The following MAGEB5 variants were observed in gnomAD, a reference collection of about 807,000 sequenced individuals.
MAGEB5 encodes MAGE family member B5.
For synonymous variants in MAGEB5, 70 were observed against 75.0 expected (o/e 0.93, Z 0.34); for missense variants, 189 against 197.1 (o/e 0.96, Z 0.25).
At position 26,217,337 on chromosome X, in the gene MAGEB5, C is replaced by T. The variant is rs765804904; in HGVS notation, c.36C>T (p.Asp12=). ...TSAGVFNAGS[D]ERANSRDEEY... ...CAGGTGTTTTTAATGCAGGATCTGA[C>T]GAAAGGGCTAACAGTAGAGATGAGG... is the stretch of plus-strand genomic sequence containing the variant. Residue 12 remains aspartate, a synonymous_variant, in exon 2 of 2, where the codon GAC becomes GAT. Transcript: ENST00000602297. The T allele has an allele frequency of 2.0e-4, 236 of 1,155,757 alleles. 1 individual carries two copies. The African/African-American group carries it at 2.8e-3, about 14-fold the overall frequency.
In MAGEB5 at chrX:26,218,076, A is replaced by C. The variant is rs754254401; in HGVS notation, c.775A>C (p.Ser259Arg). The C allele has an allele frequency of 2.6e-6, 3 of 1,166,018 alleles. No homozygotes were observed. The East Asian group carries it at 9.8e-5, about 38-fold the overall frequency. ...ATGCAGCCGAAACTGGCACTACTGC[A>C]GTGGCCAAGACTGTCTCAGGGCGAA... Reference protein sequence around the residue: ...QRCSRNWHYCSGQDCLRAKFS... With the variant: ...QRCSRNWHYCRGQDCLRAKFS... Residue 259 changes from serine to arginine, a missense_variant, in exon 2 of 2, where the codon AGT becomes CGT. By Grantham distance (110) the Ser-to-Arg change is moderately radical. Coordinates refer to ENST00000602297, the MANE Select transcript of MAGEB5 (RefSeq NM_001271752.1).
In MAGEB5 at chrX:26,218,133, C is replaced by A. The variant is rs981026007; in HGVS notation, c.*4C>A. 3.0e-5 allele frequency: 33 copies of A among 1,094,202 alleles called. No homozygotes were observed. Among genetic ancestry groups the A allele is most frequent in the Non-Finnish European group, 4.0e-5 (33 of 834,674 alleles). 90.2% of individuals were successfully genotyped at this position (1,094,202 alleles called of 1,213,427 possible). A position where few individuals can be genotyped will look rare whatever the true frequency, so the allele number is the denominator to read the frequency against. ...CAGCTTCTCTCAACCCTATTGAAGT[C>A]TGAAGCTTTTTTCATCCAGTCAAGC... On this transcript the variant is annotated 3_prime_UTR_variant, in exon 2 of 2. Transcript: ENST00000602297.
In MAGEB5 at chrX:26,218,095, G is replaced by A; in HGVS notation, c.794G>A (p.Arg265Lys). 1.7e-6 allele frequency: 2 copies of A among 1,160,090 alleles called. No individual in the cohort carries two copies. The highest frequency in any genetic ancestry group is 1.9e-5 in the South Asian group (1 of 51,676). The change falls in exon 2 of 2, where the codon AGG becomes AAG. Residue 265 changes from arginine to lysine, a missense_variant. Transcript: ENST00000602297. ...WHYCSGQDCL[R>K]AKFSSFSQPY ...TACTGCAGTGGCCAAGACTGTCTCA[G>A]GGCGAAGTTCAGCAGCTTCTCTCAA...
In MAGEB5 at chrX:26,217,920, A is replaced by T; in HGVS notation, c.619A>T (p.Arg207Ter). Residue 207 changes from arginine (R) to a stop codon, truncating the protein, a stop_gained, in exon 2 of 2, where the codon AGA (arginine) becomes TGA (stop). Coordinates refer to ENST00000602297, the MANE Select transcript of MAGEB5 (RefSeq NM_001271752.1). LOFTEE classifies it low-confidence loss of function (END_TRUNC). Reference sequence around the variant, plus strand: ...ACACTATCAATTCCTTTGGGGTCCAAGAGCCTATACTGAAACCAGCAAGAT... The same window carrying T: ...ACACTATCAATTCCTTTGGGGTCCATGAGCCTATACTGAAACCAGCAAGAT... ...PAHYQFLWGP[R>*]AYTETSKMKV... is the part of the protein sequence containing the mutation. The T allele has an allele frequency of 8.3e-7, 1 of 1,208,147 alleles. No homozygotes were observed. Among genetic ancestry groups the T allele is most frequent in the South Asian group, 1.8e-5 (1 of 56,262 alleles).
In MAGEB5 at chrX:26,217,536, G is replaced by T. The variant is rs772484567; in HGVS notation, c.235G>T (p.Ala79Ser). 1 of 1,165,186 alleles carries T rather than the reference G, an allele frequency of 8.6e-7. No homozygotes were observed. Among genetic ancestry groups the T allele is most frequent in the African/African-American group, 1.8e-5 (1 of 55,874 alleles). ...IVNPRYQNQFAEIHRRASEHI... is the reference protein window; with the variant it reads ...IVNPRYQNQFSEIHRRASEHI... ...CAACCCAAGATACCAAAACCAGTTT[G>T]CTGAGATTCACAGAAGAGCTTCTGA... Residue 79 changes from alanine (A) to serine (S), a missense_variant, in exon 2 of 2, where the codon GCT becomes TCT. Ala to Ser is a moderately conservative substitution (Grantham distance 99). Transcript: ENST00000602297.
Position 26,217,460 on chromosome X carries a change from C to T in MAGEB5, c.159C>T (p.Tyr53=), listed in dbSNP as rs774664080. Residue 53 remains tyrosine (Y), a synonymous_variant, in exon 2 of 2, where the codon TAC becomes TAT. Transcript: ENST00000602297. ...GTTTGTTGGAGCAGTTCCTGCTCTACAAGTTCAAAATGAAACAGCGTATTT... is the reference window on the plus strand; with the variant it reads ...GTTTGTTGGAGCAGTTCCTGCTCTATAAGTTCAAAATGAAACAGCGTATTT... ...KVGLLEQFLL[Y]KFKMKQRILK... 2 of 1,164,987 alleles carry T rather than the reference C, an allele frequency of 1.7e-6. No individual in the cohort carries two copies. Among genetic ancestry groups the T allele is most frequent in the African/African-American group, 3.6e-5 (2 of 55,762 alleles).
chrX:26,217,058 A>C (rs1180066203), intron 1 of MAGEB5, 27 bp from the exon 2 acceptor site: 8 of 360,810 alleles, frequency 2.2e-5, no homozygotes, highest in Non-Finnish European at 3.3e-5. Flanking sequence ...TCTCCTACTC[A>C]TTCTCCTGCC....
At chrX:26,216,731 A>G (rs1041190503) in intron 1 of MAGEB5, among the ~76,000 whole-genome samples, 2 of 111,896 alleles carry the variant, frequency 1.8e-5, no homozygotes, top group Non-Finnish European at 3.8e-5. Context: ...GGTTCTCATG[A>G]CCTGCCACCA....
At chrX:26,216,566 A>G (rs914543405) in intron 1 of MAGEB5, among the ~76,000 whole-genome samples, 25 of 111,438 alleles carry the variant, frequency 2.2e-4, no homozygotes, top group Non-Finnish European at 3.6e-4. Flanking sequence ...AAGGACCCCA[A>G]GTGAGGACTG....
chrX:26,218,151 A>C lies in MAGEB5; in HGVS notation c.*22A>C. 2.9e-6 allele frequency: 3 copies of C among 1,040,498 alleles called. No homozygotes were observed. The highest frequency in any genetic ancestry group is 3.8e-6 in the Non-Finnish European group (3 of 791,411). The allele number at this position is 1,040,498 out of a possible 1,213,427, so 85.7% of individuals were successfully genotyped here. A position where few individuals can be genotyped will look rare whatever the true frequency, so the allele number is the denominator to read the frequency against. On this transcript the variant is annotated 3_prime_UTR_variant, in exon 2 of 2. Transcript: ENST00000602297. ...TTGAAGTCTGAAGCTTTTTTCATCC[A>C]GTCAAGCAAATATAACATCACCAAA...
chrX:26,216,518 T>C (rs1479390044), intron 1 of MAGEB5, among the ~76,000 whole-genome samples: 2 of 111,212 alleles, frequency 1.8e-5, no homozygotes, highest in Non-Finnish European at 3.8e-5. Flanking sequence ...ACCATTCAAA[T>C]GAAGGGAGTT....
At position 26,218,018 on chromosome X, in the gene MAGEB5, T is replaced by A; in HGVS notation, c.717T>A (p.Ala239=). 8.4e-7 allele frequency: 1 copy of A among 1,183,875 alleles called. No individual in the cohort carries two copies. The highest frequency in any genetic ancestry group is 1.1e-6 in the Non-Finnish European group (1 of 881,357). The change falls in exon 2 of 2, where the codon GCT becomes GCA. Residue 239 remains alanine, a synonymous_variant. Coordinates refer to ENST00000602297, the MANE Select transcript of MAGEB5 (RefSeq NM_001271752.1). The part of the protein sequence containing the change: ...PGAFSSQYEE[A]LQDEEESPSQ... The stretch of plus-strand genomic sequence containing the variant: ...CCTTCTCATCACAATATGAAGAGGC[T>A]TTGCAAGATGAGGAAGAGAGCCCAA...
rs1015207842 is a variant in MAGEB5, at chrX:26,217,537, C to T, written c.236C>T (p.Ala79Val). The change falls in exon 2 of 2, where the codon GCT becomes GTT. Residue 79 changes from alanine (A) to valine (V), a missense_variant. Coordinates refer to ENST00000602297, the MANE Select transcript of MAGEB5 (RefSeq NM_001271752.1). Reference protein sequence around the residue: ...IVNPRYQNQFAEIHRRASEHI... With the variant: ...IVNPRYQNQFVEIHRRASEHI... The stretch of plus-strand genomic sequence containing the variant: ...AACCCAAGATACCAAAACCAGTTTG[C>T]TGAGATTCACAGAAGAGCTTCTGAG... 4 of 1,164,910 alleles carry T rather than the reference C, an allele frequency of 3.4e-6. No individual in the cohort carries two copies. In the African/African-American group the frequency reaches 7.2e-5, roughly 21 times the overall value.
rs1271445794 is a variant in MAGEB5 at position 26,218,207 on chromosome X, C to T, written c.*78C>T. On this transcript the variant is annotated 3_prime_UTR_variant, in exon 2 of 2. Transcript: ENST00000602297. Reference sequence around the variant, plus strand: ...TTTTTTTTGGAAATACAAAAGAACCCCCAGTAAAATAATTGAGATAATGAA... The same window carrying T: ...TTTTTTTTGGAAATACAAAAGAACCTCCAGTAAAATAATTGAGATAATGAA... The T allele has an allele frequency of 5.7e-5, 34 of 599,171 alleles. No individual in the cohort carries two copies. In the East Asian group the frequency reaches 1.2e-3, roughly 21 times the overall value. 49.4% of individuals were successfully genotyped at this position (599,171 alleles called of 1,213,427 possible).
chrX:26,216,591 G>A (rs1345034096), intron 1 of MAGEB5, among the ~76,000 whole-genome samples: 2 of 111,530 alleles, frequency 1.8e-5, no homozygotes, highest in Non-Finnish European at 3.8e-5. Flanking sequence ...TCCCAGAAAG[G>A]CCAGGACAGA....
intron 1 of MAGEB5, among the ~76,000 whole-genome samples, chrX:26,216,715 G>T (rs1341338860): frequency 8.9e-6 from 1 of 112,067 alleles, no homozygotes; most frequent in East Asian, 2.8e-4. Context: ...TAACTTCAGA[G>T]GAAATGGTTC....
chrX:26,217,332 T>A lies in MAGEB5; in HGVS notation c.31T>A (p.Ser11Thr), dbSNP rs1929463187. The A allele has an allele frequency of 8.7e-7, 1 of 1,153,619 alleles. No homozygotes were observed. The highest frequency in any genetic ancestry group is 1.2e-6 in the Non-Finnish European group (1 of 868,206). The change falls in exon 2 of 2, where the codon TCT (serine) becomes ACT (threonine). Residue 11 changes from serine to threonine, a missense_variant. Ser to Thr is a moderately conservative substitution (Grantham distance 58, BLOSUM62 1). Transcript: ENST00000602297. MTSAGVFNAG[S>T]DERANSRDEE... ...TTCTGCAGGTGTTTTTAATGCAGGATCTGACGAAAGGGCTAACAGTAGAGA... is the reference window on the plus strand; with the variant it reads ...TTCTGCAGGTGTTTTTAATGCAGGAACTGACGAAAGGGCTAACAGTAGAGA...
rs1326181164 is a variant in MAGEB5 at position 26,217,766 on chromosome X, T to C, written c.465T>C (p.Phe155=). 1.7e-6 allele frequency: 2 copies of C among 1,166,980 alleles called. No homozygotes were observed. The highest frequency in any genetic ancestry group is 2.3e-6 in the Non-Finnish European group (2 of 872,948). Residue 155 remains phenylalanine, a synonymous_variant, in exon 2 of 2, where the codon TTT becomes TTC. Transcript: ENST00000602297. ...NCANKEDTWK[F]LDMMQIYDGK... is the part of the protein sequence containing the mutation. Reference sequence around the variant, plus strand: ...CCAACAAGGAAGATACCTGGAAATTTCTGGATATGATGCAAATATATGATG... The same window carrying C: ...CCAACAAGGAAGATACCTGGAAATTCCTGGATATGATGCAAATATATGATG...
Position 26,217,395 on chromosome X carries a change from A to T in MAGEB5, c.94A>T (p.Thr32Ser). 1 of 1,166,514 alleles carries T rather than the reference A, an allele frequency of 8.6e-7. No homozygotes were observed. The highest frequency in any genetic ancestry group is 2.3e-4 in the Middle Eastern group (1 of 4,306). ...ATGTTCCTCAGAGGTCTCACCCTCC[A>T]CTGAGAGTTCATGCAGCAATTTCAT... ...YPCSSEVSPS[T>S]ESSCSNFINI... Residue 32 changes from threonine (T) to serine (S), a missense_variant, in exon 2 of 2, where the codon ACT (threonine) becomes TCT (serine). By Grantham distance (58) the Thr-to-Ser change is moderately conservative. Coordinates refer to ENST00000602297, the MANE Select transcript of MAGEB5 (RefSeq NM_001271752.1).
Sources: allele counts gnomAD v4.1 joint callset (sites outside exome capture counted in the v4.1 genomes callset), GRCh38; gene constraint gnomAD v4.1.1; transcripts MANE v1.5; gene names NCBI Gene and HGNC (gene_info 2026-07-23, HGNC 2026-07-21).